Variants in CORO7 observed in about 807,000 individuals in gnomAD.
CORO7 encodes coronin-7.
Under a neutral mutation model 126.6 loss-of-function variants are expected in CORO7, and 107 were observed. The observed-to-expected ratio is 0.85, with a 90% CI of 0.72 to 0.99. The LOEUF is 0.99. CORO7 is among the 50% of genes least tolerant of loss of function. The probability of loss-of-function intolerance (pLI) is 0.00; values close to 1 mark genes in which losing one functional copy is unlikely to be tolerated. For synonymous variants in CORO7, 603 were observed against 536.8 expected (o/e 1.12, Z -1.70); for missense variants, 1,314 against 1,255.8 (o/e 1.05, Z -0.70).
intron 8 of CORO7, 25 bp from the exon 9 acceptor site, chr16:4,388,093 T>A: frequency 6.2e-7 from 1 of 1,602,538 alleles, no homozygotes; most frequent in Non-Finnish European, 8.5e-7. Flanking sequence ...AGAGAGGGGC[T>A]CAGAGGGGCC....
intron 6 of CORO7, among the ~76,000 whole-genome samples, chr16:4,403,815 C>A (rs2055899187): frequency 6.6e-6 from 1 of 152,214 alleles, no homozygotes; most frequent in African/African-American, 2.4e-5. Context: ...GGTCCCAAGG[C>A]AGCCATCCCT....
chr16:4,383,814 T>C (rs2055092950), intron 9 of CORO7, among the ~76,000 whole-genome samples: 1 of 152,198 alleles, frequency 6.6e-6, no homozygotes, highest in Non-Finnish European at 1.5e-5. Flanking sequence ...TGGGAGAGGC[T>C]TGTGGCACAT....
At chr16:4,385,616 C>A (rs1409517648) in intron 9 of CORO7, among the ~76,000 whole-genome samples, 2 of 152,218 alleles carry the variant, frequency 1.3e-5, no homozygotes, top group Non-Finnish European at 2.9e-5. Context: ...ACCAAGCACA[C>A]AAAGTGCTGG....
Position 4,408,229 on chromosome 16 carries a change from G to A in CORO7, c.255C>T (p.Phe85=), listed in dbSNP as rs770183012. 59 of 1,614,106 alleles carry A rather than the reference G, an allele frequency of 3.7e-5. No individual in the cohort carries two copies. The highest frequency in any genetic ancestry group is 8.5e-7 in the Non-Finnish European group (1 of 1,180,054). Residue 85 remains phenylalanine, a synonymous_variant, in exon 4 of 28, where the codon TTC becomes TTT. Coordinates refer to ENST00000251166, the MANE Select transcript of CORO7 (RefSeq NM_024535.5). ...CCAGGAGGAAGTCATCAAAGGGCGA[G>A]AAGTCCAAGTCGGTGACTAGGTCTG... ...CHSDLVTDLD[F]SPFDDFLLAT... is the part of the protein sequence containing the mutation.
intron 25 of CORO7, chr16:4,357,757 G>T: frequency 1.3e-6 from 1 of 766,202 alleles, no homozygotes; most frequent in Non-Finnish European, 2.0e-6. Context: ...GTGTGCGTGT[G>T]TGTGTGTGTT....
intron 1 of CORO7, among the ~76,000 whole-genome samples, chr16:4,415,111 C>T (rs939725927): frequency 6.6e-6 from 1 of 152,056 alleles, no homozygotes; most frequent in African/African-American, 2.4e-5. Context: ...CAAAGCAGTC[C>T]ACCCAAAGTA....
At position 4,357,210 on chromosome 16, in the gene CORO7, C is replaced by T. The variant is rs148065861; in HGVS notation, c.2643G>A (p.Ala881=). 120 of 1,613,750 alleles carry T rather than the reference C, an allele frequency of 7.4e-5. 1 individual carries two copies. The highest frequency in any genetic ancestry group is 3.3e-4 in the South Asian group (30 of 91,070). ...EAPARRAPSS[A]QYLEEKSDQQ... is the part of the protein sequence containing the mutation. ...GGTCAGACTTTTCTTCCAGGTACTG[C>T]GCTGAGGATGGGGCCCGACGAGCAG... Residue 881 remains alanine, a synonymous_variant, in exon 26 of 28, where the codon GCG becomes GCA. Coordinates refer to ENST00000251166, the MANE Select transcript of CORO7 (RefSeq NM_024535.5).
At position 4,364,375 on chromosome 16, in the gene CORO7, G is replaced by A; in HGVS notation, c.1176C>T (p.His392=). Residue 392 remains histidine, a synonymous_variant, in exon 14 of 28, where the codon CAC becomes CAT. Transcript: ENST00000251166. ...GCACCAGACAGGAAGTGAAGCTCGGGTGGGGCCGGCAGGCGGGGTTGAGGC... is the reference window on the plus strand; with the variant it reads ...GCACCAGACAGGAAGTGAAGCTCGGATGGGGCCGGCAGGCGGGGTTGAGGC... The part of the protein sequence containing the change: ...KVSLNPACRP[H]PSFTSCLVPP... 1 of 1,517,224 alleles carries A rather than the reference G, an allele frequency of 6.6e-7. No individual in the cohort carries two copies. The highest frequency in any genetic ancestry group is 1.4e-5 in the African/African-American group (1 of 71,882). 94.0% of individuals were successfully genotyped at this position (1,517,224 alleles called of 1,614,324 possible).
intron 6 of CORO7, among the ~76,000 whole-genome samples, chr16:4,404,171 T>C (rs2055911739): frequency 6.6e-6 from 1 of 152,204 alleles, no homozygotes; most frequent in Non-Finnish European, 1.5e-5. Context: ...TGGGGCGGAA[T>C]GCTCAGGTCT....
intron 3 of CORO7, among the ~76,000 whole-genome samples, chr16:4,411,160 C>T (rs1042850299): frequency 6.6e-6 from 1 of 152,080 alleles, no homozygotes; most frequent in Non-Finnish European, 1.5e-5. Context: ...GAGGCCAAGG[C>T]GGGAGGATAG....
chr16:4,397,015 CA>C (rs1236918347), intron 6 of CORO7, among the ~76,000 whole-genome samples: 35 of 120,232 alleles, frequency 2.9e-4, no homozygotes, highest in Admixed American at 7.7e-4. Flanking sequence ...GACTCAATCT[CA>C]AAAAAAAAAA....
chr16:4,405,718 A>T, intron 5 of CORO7, 151 bp from the exon 6 acceptor site: 7 of 896,122 alleles, frequency 7.8e-6, no homozygotes, highest in Non-Finnish European at 1.2e-5. Flanking sequence ...AGCTTCTCCC[A>T]GACAGGCTTC....
chr16:4,372,286 C>A (rs977453778), intron 9 of CORO7, among the ~76,000 whole-genome samples: 1 of 152,232 alleles, frequency 6.6e-6, no homozygotes. Flanking sequence ...GCTTCCTCCT[C>A]CCACGGCTGG....
intron 9 of CORO7, among the ~76,000 whole-genome samples, chr16:4,375,154 G>A (rs2054674705): frequency 6.6e-6 from 1 of 152,218 alleles, no homozygotes; most frequent in South Asian, 2.1e-4. Flanking sequence ...CTTGAGCTGG[G>A]GCCTGGCCTT....
intron 9 of CORO7, chr16:4,382,924 G>T: frequency 6.8e-7 from 1 of 1,472,134 alleles, no homozygotes. Context: ...GGGCAGCTGG[G>T]GCCGGGCTCT....
At chr16:4,415,768 C>T (rs370341046) in intron 1 of CORO7, 22 of 985,632 alleles carry the variant, frequency 2.2e-5, no homozygotes, top group Non-Finnish European at 2.7e-5. Flanking sequence ...AGGCGCACCC[C>T]TCATCAGTCC....
At position 4,395,306 on chromosome 16, in the gene CORO7, T is replaced by G. The variant is rs1291964805; in HGVS notation, c.598A>C (p.Lys200Gln). The change falls in exon 7 of 28, where the codon AAG becomes CAG. Residue 200 changes from lysine to glutamine, a missense_variant. Transcript: ENST00000251166. The stretch of plus-strand genomic sequence containing the variant: ...CAACTCACCTGAGAGGCCCGCGGCT[T>G]TGTTCTGGGGTCAAAGATCCGCAGC... ...KQLRIFDPRT[K>Q]PRASQSTQAH... 1 of 1,614,070 alleles carries G rather than the reference T, an allele frequency of 6.2e-7. No individual in the cohort carries two copies. The highest frequency in any genetic ancestry group is 1.1e-5 in the South Asian group (1 of 91,068).
chr16:4,376,688 G>A (rs764608013), intron 9 of CORO7, among the ~76,000 whole-genome samples: 22 of 152,080 alleles, frequency 1.4e-4, no homozygotes, highest in Non-Finnish European at 2.5e-4. Flanking sequence ...GCGTCCCCCT[G>A]GGAGTTGAGA....
chr16:4,358,352 G>A lies in CORO7; in HGVS notation c.2457+15C>T. ...GAAGGCGGTGGGCATGGGAGTCCCAGGTCCCCACCCTCACCCGGACTCGGG... is the reference window on the plus strand; with the variant it reads ...GAAGGCGGTGGGCATGGGAGTCCCAAGTCCCCACCCTCACCCGGACTCGGG... On this transcript the variant is annotated intron_variant, in intron 24 of 27. Coordinates refer to ENST00000251166, the MANE Select transcript of CORO7 (RefSeq NM_024535.5). The A allele has an allele frequency of 6.2e-7, 1 of 1,611,278 alleles. No homozygotes were observed. Among genetic ancestry groups the A allele is most frequent in the Non-Finnish European group, 8.5e-7 (1 of 1,179,116 alleles).
Sources: gnomAD v4.1 joint callset for allele counts (sites outside exome capture counted in the v4.1 genomes callset) on GRCh38, gnomAD v4.1.1 for gene constraint, MANE v1.5 for transcripts, NCBI Gene and HGNC (gene_info 2026-07-23, HGNC 2026-07-21) for gene names.